PHLPP1: variants seen among roughly 807,000 people sequenced by gnomAD.
PHLPP1 encodes PH domain leucine-rich repeat-containing protein phosphatase 1.
PHLPP1 carries 42 observed loss-of-function variants against 117.2 expected under a neutral mutation model. The observed-to-expected ratio is 0.36, with a 90% CI of 0.28 to 0.46. The LOEUF (loss-of-function observed/expected upper bound fraction) is 0.46, where lower values mean the gene tolerates loss of function less well. PHLPP1 is among the 20% of genes least tolerant of loss of function. The probability of loss-of-function intolerance (pLI) is 1.00; values close to 1 mark genes in which losing one functional copy is unlikely to be tolerated. For synonymous variants in PHLPP1, 1,042 were observed against 970.7 expected (o/e 1.07, Z -1.37); for missense variants, 2,084 against 2,241.9 (o/e 0.93, Z 1.42).
intron 12 of PHLPP1, among the ~76,000 whole-genome samples, chr18:62,957,753 T>G (rs1910657755): frequency 6.6e-6 from 1 of 151,944 alleles, no homozygotes; most frequent in South Asian, 2.1e-4. Flanking sequence ...TTTACTCTTG[T>G]TGCACAGGCT....
At chr18:62,969,371 T>C (rs1910988978) in intron 14 of PHLPP1, among the ~76,000 whole-genome samples, 1 of 152,356 alleles carries the variant, frequency 6.6e-6, no homozygotes, top group East Asian at 1.9e-4. Context: ...TTCACTAATA[T>C]CGTTGGAGAA....
intron 2 of PHLPP1, among the ~76,000 whole-genome samples, chr18:62,833,166 C>T (rs1599071842): frequency 2.6e-5 from 4 of 152,212 alleles, no homozygotes; most frequent in East Asian, 3.9e-4. Flanking sequence ...CTCTGCCTCC[C>T]GGGTTCAAGC....
intron 1 of PHLPP1, among the ~76,000 whole-genome samples, chr18:62,769,203 G>C (rs760675759): frequency 3.3e-4 from 50 of 152,188 alleles, no homozygotes; most frequent in Non-Finnish European, 7.1e-4. Flanking sequence ...TTGTAGATCA[G>C]AAATATATTT....
At chr18:62,787,584 A>G (rs1200071582) in intron 1 of PHLPP1, among the ~76,000 whole-genome samples, 1 of 152,232 alleles carries the variant, frequency 6.6e-6, no homozygotes, top group Non-Finnish European at 1.5e-5. Context: ...CCTTGGAACC[A>G]GGGTATAGAT....
At chr18:62,864,735 G>C (rs926376578) in intron 4 of PHLPP1, among the ~76,000 whole-genome samples, 6 of 152,190 alleles carry the variant, frequency 3.9e-5, no homozygotes, top group African/African-American at 1.4e-4. Flanking sequence ...GCTGATTCCA[G>C]TACCTGCCCA....
intron 14 of PHLPP1, among the ~76,000 whole-genome samples, chr18:62,966,972 T>C (rs1321748436): frequency 6.6e-6 from 1 of 152,216 alleles, no homozygotes; most frequent in Admixed American, 6.5e-5. Flanking sequence ...AATTATATAG[T>C]ATATGGCCTT....
chr18:62,776,489 T>A (rs1197352669), intron 1 of PHLPP1, among the ~76,000 whole-genome samples: 1 of 152,194 alleles, frequency 6.6e-6, no homozygotes, highest in Admixed American at 6.5e-5. Flanking sequence ...CTTAGCCAAG[T>A]TGACATACAA....
chr18:62,937,598 GTC>G (rs1444014170), intron 10 of PHLPP1, among the ~76,000 whole-genome samples: 1 of 152,162 alleles, frequency 6.6e-6, no homozygotes, highest in African/African-American at 2.4e-5. Context: ...TTTTATTTCT[GTC>G]TCTGCCACTA....
intron 1 of PHLPP1, among the ~76,000 whole-genome samples, chr18:62,814,142 A>G (rs896094618): frequency 6.6e-6 from 1 of 152,224 alleles, no homozygotes; most frequent in African/African-American, 2.4e-5. Flanking sequence ...ATAAGTGTCT[A>G]TGGTAATTTG....
At chr18:62,885,680 CA>C (rs1168584064) in intron 4 of PHLPP1, among the ~76,000 whole-genome samples, 2 of 151,934 alleles carry the variant, frequency 1.3e-5, no homozygotes, top group African/African-American at 2.4e-5. Context: ...CAAAACAAAA[CA>C]AAAAAACTTT....
intron 1 of PHLPP1, among the ~76,000 whole-genome samples, chr18:62,795,813 A>G (rs1254609449): frequency 1.3e-5 from 2 of 152,104 alleles, no homozygotes; most frequent in Non-Finnish European, 2.9e-5. Flanking sequence ...CTAAAATCTT[A>G]TTGATCAATT....
chr18:62,788,913 C>A (rs1429411393), intron 1 of PHLPP1, among the ~76,000 whole-genome samples: 1 of 152,018 alleles, frequency 6.6e-6, no homozygotes, highest in Non-Finnish European at 1.5e-5. Flanking sequence ...GCCCTTTCAT[C>A]TTGTTGTTAG....
chr18:62,752,895 C>A (rs1911902448), intron 1 of PHLPP1, among the ~76,000 whole-genome samples: 1 of 152,182 alleles, frequency 6.6e-6, no homozygotes, highest in African/African-American at 2.4e-5. Flanking sequence ...GAAAAATCTT[C>A]AGTAGACAAT....
chr18:62,874,222 T>C (rs1915978573), intron 4 of PHLPP1, among the ~76,000 whole-genome samples: 1 of 138,544 alleles, frequency 7.2e-6, no homozygotes, highest in Non-Finnish European at 1.6e-5. Flanking sequence ...ACAAGTAAGA[T>C]ATAGGCCGGT....
chr18:62,738,539 G>T (rs116999507), intron 1 of PHLPP1, among the ~76,000 whole-genome samples: 3,735 of 152,290 alleles, frequency 0.025, 73 homozygotes, highest in Non-Finnish European at 0.04. Context: ...TTATATAAGG[G>T]ACTTGAGTGT....
At chr18:62,952,395 T>G (rs1363875076) in intron 12 of PHLPP1, among the ~76,000 whole-genome samples, 1 of 152,214 alleles carries the variant, frequency 6.6e-6, no homozygotes, top group Non-Finnish European at 1.5e-5. Context: ...AACAGAATGC[T>G]AAGGATTGTT....
At chr18:62,868,685 C>A (rs1325909972) in intron 4 of PHLPP1, among the ~76,000 whole-genome samples, 1 of 149,450 alleles carries the variant, frequency 6.7e-6, no homozygotes, top group Non-Finnish European at 1.5e-5. Context: ...ATTAAATGTA[C>A]AAATTTAGTT....
intron 1 of PHLPP1, among the ~76,000 whole-genome samples, chr18:62,772,112 T>G (rs530163063): frequency 6.6e-6 from 1 of 152,358 alleles, no homozygotes; most frequent in South Asian, 2.1e-4. Flanking sequence ...GTCACTTCTC[T>G]TTGCCATTGT....
Position 62,918,429 on chromosome 18 carries a change from A to AATATATATATATATATATATATATATAT in PHLPP1, c.2805-1512_2805-1511insATATATATATATATATATATATATATAT, listed in dbSNP as rs34065978. Among the ~76,000 whole-genome samples the AATATATATATATATATATATATATATAT allele has an allele frequency of 5.8e-4, 82 of 140,484 alleles. 2 individuals are homozygous for AATATATATATATATATATATATATATAT. The highest frequency in any genetic ancestry group is 2.1e-3 in the African/African-American group (78 of 37,012). 92.2% of individuals were successfully genotyped at this position (140,484 alleles called of 152,430 possible). On this transcript the variant is annotated intron_variant, in intron 9 of 16. Coordinates refer to ENST00000262719, the MANE Select transcript of PHLPP1 (RefSeq NM_194449.4). ...TTAGTTATTTATGTGGTAAAGGATAAATATATATATATATATATGATGAAC... is the reference window on the plus strand; with the variant it reads ...TTAGTTATTTATGTGGTAAAGGATAAATATATATATATATATATATATATATATATATATATATATATATATGATGAAC...
Sources: gnomAD v4.1 joint callset for allele counts (sites outside exome capture counted in the v4.1 genomes callset) on GRCh38, gnomAD v4.1.1 for gene constraint, MANE v1.5 for transcripts, NCBI Gene and HGNC (gene_info 2026-07-23, HGNC 2026-07-21) for gene names.